CCDC85A: variants seen among roughly 807,000 people sequenced by gnomAD.
CCDC85A encodes coiled-coil domain containing 85A, also known as coiled-coil domain-containing protein 85A.
A neutral mutation model predicts 50.2 loss-of-function variants in CCDC85A; 38 were observed. The ratio of observed to expected loss-of-function variants is 0.76; its 90% CI spans 0.58 to 0.99. The LOEUF is 0.99. CCDC85A is among the 50% of genes least tolerant of loss of function. CCDC85A has a pLI of 0.00. For missense variants in CCDC85A, 820 were observed against 742.0 expected (o/e 1.11, Z -1.22); for synonymous variants, 366 against 301.4 (o/e 1.21, Z -2.22).
intron 5 of CCDC85A, chr2:56,383,474 T>G (rs921934276): frequency 2.1e-6 from 1 of 465,398 alleles, no homozygotes. Flanking sequence ...TTCGGTAGTT[T>G]TACGTTTATG....
At chr2:56,333,970 C>T (rs767620052) in intron 2 of CCDC85A, among the ~76,000 whole-genome samples, 8 of 152,190 alleles carry the variant, frequency 5.3e-5, no homozygotes, top group Non-Finnish European at 1.2e-4. Context: ...GTCTTCCCAG[C>T]CAGTGCTTCT....
chr2:56,225,967 A>C (rs546960769), intron 2 of CCDC85A, among the ~76,000 whole-genome samples: 1 of 152,308 alleles, frequency 6.6e-6, no homozygotes, highest in East Asian at 1.9e-4. Flanking sequence ...TATATTTTCC[A>C]GATATTTCAT....
At chr2:56,228,830 G>C (rs899500341) in intron 2 of CCDC85A, among the ~76,000 whole-genome samples, 1 of 152,098 alleles carries the variant, frequency 6.6e-6, no homozygotes, top group Non-Finnish European at 1.5e-5. Flanking sequence ...ACCACACCAG[G>C]CCCTTTCTCC....
chr2:56,329,082 G>T (rs1439986923), intron 2 of CCDC85A, among the ~76,000 whole-genome samples: 28 of 152,082 alleles, frequency 1.8e-4, no homozygotes, highest in Admixed American at 1.8e-3. Context: ...GGAGACAACT[G>T]CATCCTCCCT....
At chr2:56,322,885 G>A (rs1673276115) in intron 2 of CCDC85A, among the ~76,000 whole-genome samples, 1 of 152,094 alleles carries the variant, frequency 6.6e-6, no homozygotes, top group Admixed American at 6.6e-5. Flanking sequence ...CATAGACTTG[G>A]AACCAACCCA....
intron 2 of CCDC85A, among the ~76,000 whole-genome samples, chr2:56,196,201 A>G (rs1676513352): frequency 6.6e-6 from 1 of 152,244 alleles, no homozygotes; most frequent in South Asian, 2.1e-4. Flanking sequence ...CAAAAGCAAA[A>G]GCAAAAGAAA....
intron 1 of CCDC85A, among the ~76,000 whole-genome samples, chr2:56,190,524 T>A (rs1676250062): frequency 6.6e-6 from 1 of 152,174 alleles, no homozygotes; most frequent in Non-Finnish European, 1.5e-5. Context: ...TTGCAGTAAG[T>A]CTGAGGGATG....
At chr2:56,358,715 A>T (rs955931319) in intron 3 of CCDC85A, among the ~76,000 whole-genome samples, 46 of 152,246 alleles carry the variant, frequency 3.0e-4, no homozygotes, top group Non-Finnish European at 3.2e-4. Context: ...TAGTTTGCTG[A>T]TCCCTGCTTT....
intron 2 of CCDC85A, among the ~76,000 whole-genome samples, chr2:56,302,101 C>G (rs1299441516): frequency 6.6e-6 from 1 of 151,760 alleles, no homozygotes; most frequent in African/African-American, 2.4e-5. Context: ...ACTAAAAATA[C>G]AAAAATTACC....
At chr2:56,325,840 A>T (rs1573262595) in intron 2 of CCDC85A, among the ~76,000 whole-genome samples, 1 of 152,062 alleles carries the variant, frequency 6.6e-6, no homozygotes, top group East Asian at 1.9e-4. Flanking sequence ...TTTGCTTTGG[A>T]TGGCTTGGTT....
intron 2 of CCDC85A, among the ~76,000 whole-genome samples, chr2:56,318,958 A>G (rs373974393): frequency 2.6e-5 from 4 of 152,088 alleles, no homozygotes; most frequent in African/African-American, 7.2e-5. Context: ...GTGGGCTGCT[A>G]TAGGTAGAAG....
rs1312222050 is a variant in CCDC85A, at chr2:56,184,474, C to G, written c.-151C>G. 8.0e-6 allele frequency: 7 copies of G among 877,048 alleles called. No individual in the cohort carries two copies. The highest frequency in any genetic ancestry group is 1.0e-5 in the Non-Finnish European group (7 of 670,692). The allele number at this position is 877,048 out of a possible 1,614,324, so 54.3% of individuals were successfully genotyped here. A position where few individuals can be genotyped will look rare whatever the true frequency, so the allele number is the denominator to read the frequency against. ...GAGGTAGGATGGCCACCCAGCGCGA[C>G]CCCCGCCGCCCCAACCCAGCGGCCC... On this transcript the variant is annotated 5_prime_UTR_variant, in exon 1 of 6. Coordinates refer to ENST00000407595, the MANE Select transcript of CCDC85A (RefSeq NM_001080433.2).
intron 4 of CCDC85A, 143 bp from the exon 5 acceptor site, chr2:56,375,673 G>A (rs1676298391): frequency 1.3e-6 from 1 of 781,176 alleles, no homozygotes; most frequent in Admixed American, 2.5e-5. Flanking sequence ...CCAATGAACA[G>A]ATTGATAGCA....
At chr2:56,358,558 TG>T (rs1675352949) in intron 3 of CCDC85A, among the ~76,000 whole-genome samples, 1 of 152,214 alleles carries the variant, frequency 6.6e-6, no homozygotes, top group Non-Finnish European at 1.5e-5. Flanking sequence ...ATGGGCCATA[TG>T]TTCTGCTTCA....
intron 2 of CCDC85A, among the ~76,000 whole-genome samples, chr2:56,329,945 G>GTTTTTTTTTTT (rs535050957): frequency 4.5e-5 from 2 of 44,162 alleles, no homozygotes; most frequent in African/African-American, 7.2e-5. Context: ...CAGATTTCCT[G>GTTTTTTTTTTT]TTTTTTTTTT....
chr2:56,328,447 G>A (rs987410396), intron 2 of CCDC85A, among the ~76,000 whole-genome samples: 12 of 152,120 alleles, frequency 7.9e-5, no homozygotes, highest in African/African-American at 2.9e-4. Flanking sequence ...GACTTCTGTC[G>A]TCAGACCCTT....
Position 56,290,677 on chromosome 2 carries a change from A to G in CCDC85A, c.1241-52202A>G, listed in dbSNP as rs114071122. ...AATTGATTTTTAATTATCATTGTTAATGTTTCAAATTTTATCACCAGCTTC... is the reference window on the plus strand; with the variant it reads ...AATTGATTTTTAATTATCATTGTTAGTGTTTCAAATTTTATCACCAGCTTC... On this transcript the variant is annotated intron_variant, in intron 2 of 5. Transcript: ENST00000407595. 8.6e-3 allele frequency among the ~76,000 whole-genome samples: 1,307 copies of G among 152,338 alleles called. 28 individuals carry two copies. Among genetic ancestry groups the G allele is most frequent in the African/African-American group, 0.03 (1,228 of 41,582 alleles).
At chr2:56,380,633 T>A (rs79890987) in intron 5 of CCDC85A, among the ~76,000 whole-genome samples, 12,131 of 150,464 alleles carry the variant, frequency 0.081, 509 homozygotes, top group Non-Finnish European at 0.1. Context: ...AGTAAAAAAA[T>A]AAATAAATAA....
chr2:56,306,068 A>C (rs1672429756), intron 2 of CCDC85A, among the ~76,000 whole-genome samples: 1 of 152,182 alleles, frequency 6.6e-6, no homozygotes, highest in South Asian at 2.1e-4. Context: ...ACAGTGATGA[A>C]TATAACAGGA....
Sources: allele counts gnomAD v4.1 joint callset (sites outside exome capture counted in the v4.1 genomes callset), GRCh38; gene constraint gnomAD v4.1.1; transcripts MANE v1.5; gene names NCBI Gene and HGNC (gene_info 2026-07-23, HGNC 2026-07-21).